The following TMEM163 variants were observed in gnomAD, a reference collection of about 807,000 sequenced individuals.
TMEM163 encodes transmembrane protein 163.
In TMEM163, 17 loss-of-function variants were observed where a neutral mutation model predicts 29.3. The ratio of observed to expected loss-of-function variants is 0.58; its 90% CI spans 0.40 to 0.87. TMEM163 has a LOEUF of 0.87. Among genes scored for constraint, TMEM163 ranks in the 40% least tolerant of loss-of-function variants. The pLI is 0.00. For synonymous variants in TMEM163, 157 were observed against 160.6 expected (o/e 0.98, Z 0.17); for missense variants, 303 against 381.5 (o/e 0.79, Z 1.71).
chr2:134,703,314 T>G (rs1684741976), intron 2 of TMEM163, among the ~76,000 whole-genome samples: 2 of 148,760 alleles, frequency 1.3e-5, no homozygotes, highest in South Asian at 4.3e-4. Flanking sequence ...CATGAGAGGT[T>G]TCTTCAGGAA....
chr2:134,621,055 G>GA, intron 2 of TMEM163, among the ~76,000 whole-genome samples: 1 of 151,974 alleles, frequency 6.6e-6, no homozygotes, highest in Middle Eastern at 3.4e-3. Context: ...TACTTACTGT[G>GA]AAAAAATAAT....
At chr2:134,496,219 G>A (rs1346585635) in intron 5 of TMEM163, among the ~76,000 whole-genome samples, 2 of 151,918 alleles carry the variant, frequency 1.3e-5, no homozygotes, top group Non-Finnish European at 2.9e-5. Context: ...CCACCACCAC[G>A]CCCAGCTAAT....
intron 2 of TMEM163, among the ~76,000 whole-genome samples, chr2:134,699,805 A>G (rs888745875): frequency 5.3e-5 from 8 of 152,118 alleles, no homozygotes; most frequent in Admixed American, 5.2e-4. Context: ...TGTTTGGTAT[A>G]TGCAAATTCA....
At chr2:134,648,560 G>A (rs1291516009) in intron 2 of TMEM163, among the ~76,000 whole-genome samples, 1 of 152,126 alleles carries the variant, frequency 6.6e-6, no homozygotes, top group Non-Finnish European at 1.5e-5. Context: ...ACTACCTGAT[G>A]AGTAGGAAAG....
At chr2:134,711,379 T>A (rs1265832469) in intron 2 of TMEM163, among the ~76,000 whole-genome samples, 1 of 152,154 alleles carries the variant, frequency 6.6e-6, no homozygotes, top group African/African-American at 2.4e-5. Flanking sequence ...ACCTTCTACA[T>A]TTTTTAGTTT....
chr2:134,494,581 C>T (rs543180099), intron 5 of TMEM163, among the ~76,000 whole-genome samples: 1 of 152,126 alleles, frequency 6.6e-6, no homozygotes, highest in South Asian at 2.1e-4. Flanking sequence ...GAACCAGAGG[C>T]GCCAAAAGGC....
intron 4 of TMEM163, among the ~76,000 whole-genome samples, chr2:134,510,889 A>G (rs1679931808): frequency 6.6e-6 from 1 of 152,168 alleles, no homozygotes; most frequent in Non-Finnish European, 1.5e-5. Context: ...GGAACAGGGA[A>G]CAGCCCGTCT....
chr2:134,527,233 TAC>T (rs1415172254), intron 4 of TMEM163, among the ~76,000 whole-genome samples: 3 of 152,268 alleles, frequency 2.0e-5, no homozygotes, highest in South Asian at 2.1e-4. Context: ...TGCAAATCTA[TAC>T]AGTGTACATG....
intron 2 of TMEM163, among the ~76,000 whole-genome samples, chr2:134,637,032 T>C (rs989767104): frequency 2.0e-5 from 3 of 152,176 alleles, no homozygotes; most frequent in Non-Finnish European, 2.9e-5. Flanking sequence ...CTGATTTGAG[T>C]AATAATAAAA....
chr2:134,627,670 G>A (rs1296366466), intron 2 of TMEM163, among the ~76,000 whole-genome samples: 1 of 152,098 alleles, frequency 6.6e-6, no homozygotes, highest in African/African-American at 2.4e-5. Context: ...AAGATGTATG[G>A]ATACGCAACA....
At chr2:134,478,340 G>A (rs1421583625) in intron 5 of TMEM163, among the ~76,000 whole-genome samples, 1 of 152,222 alleles carries the variant, frequency 6.6e-6, no homozygotes, top group East Asian at 1.9e-4. Flanking sequence ...CTCAGGAGAA[G>A]ACTAGAAGGG....
intron 2 of TMEM163, among the ~76,000 whole-genome samples, chr2:134,647,574 C>T (rs1683361833): frequency 6.6e-6 from 1 of 152,198 alleles, no homozygotes; most frequent in African/African-American, 2.4e-5. Context: ...TAGGTCAAAA[C>T]TGATAGAGGG....
chr2:134,522,024 C>T (rs1052152052), intron 4 of TMEM163, among the ~76,000 whole-genome samples: 1 of 152,210 alleles, frequency 6.6e-6, no homozygotes, highest in African/African-American at 2.4e-5. Context: ...CACTCACCAT[C>T]CTGTTTCTCA....
chr2:134,619,079 A>G (rs1682672200), intron 2 of TMEM163, among the ~76,000 whole-genome samples: 1 of 152,214 alleles, frequency 6.6e-6, no homozygotes, highest in Non-Finnish European at 1.5e-5. Flanking sequence ...AACTATGATG[A>G]TAACAGCCCT....
chr2:134,683,941 G>A (rs535566368), intron 2 of TMEM163, among the ~76,000 whole-genome samples: 1 of 152,218 alleles, frequency 6.6e-6, no homozygotes, highest in East Asian at 1.9e-4. Flanking sequence ...CCTCTGAAGG[G>A]TACAGTTTAA....
intron 2 of TMEM163, among the ~76,000 whole-genome samples, chr2:134,577,132 G>A (rs1681573461): frequency 6.6e-6 from 1 of 152,090 alleles, no homozygotes; most frequent in Non-Finnish European, 1.5e-5. Flanking sequence ...AACTTAATTA[G>A]GGTACCTGCC....
intron 5 of TMEM163, among the ~76,000 whole-genome samples, chr2:134,492,576 A>AT (rs1185374508): frequency 6.6e-6 from 1 of 152,134 alleles, no homozygotes; most frequent in African/African-American, 2.4e-5. Flanking sequence ...GTAGGTAAAA[A>AT]TTTAAGTAAA....
chr2:134,538,651 C>T (rs1216545288), intron 4 of TMEM163, among the ~76,000 whole-genome samples: 1 of 152,192 alleles, frequency 6.6e-6, no homozygotes, highest in Non-Finnish European at 1.5e-5. Context: ...TGCCACACCA[C>T]ACGCCACAGT....
chr2:134,477,073 T>C, intron 5 of TMEM163, among the ~76,000 whole-genome samples: 1 of 152,202 alleles, frequency 6.6e-6, no homozygotes, highest in South Asian at 2.1e-4. Flanking sequence ...CAGCATCTCG[T>C]AGTCTTTGGC....
Sources: gnomAD v4.1 joint callset for allele counts (sites outside exome capture counted in the v4.1 genomes callset) on GRCh38, gnomAD v4.1.1 for gene constraint, MANE v1.5 for transcripts, NCBI Gene and HGNC (gene_info 2026-07-23, HGNC 2026-07-21) for gene names.